The following ACOT11 variants were observed in gnomAD, a reference collection of about 807,000 sequenced individuals.
The protein encoded by ACOT11 is acyl-CoA thioesterase 11.
A neutral mutation model predicts 77.5 loss-of-function variants in ACOT11; 69 were observed. That is an observed-to-expected ratio of 0.89 (90% CI 0.73 to 1.09). ACOT11 has a LOEUF of 1.09. ACOT11 is among the 50% of genes least tolerant of loss of function. The probability of loss-of-function intolerance (pLI) is 0.00; values close to 1 mark genes in which losing one functional copy is unlikely to be tolerated. For synonymous variants in ACOT11, 279 were observed against 313.0 expected (o/e 0.89, Z 1.15); for missense variants, 766 against 813.7 (o/e 0.94, Z 0.71).
At chr1:54,561,708 C>A (rs1382166870) in intron 1 of ACOT11, among the ~76,000 whole-genome samples, 1 of 127,850 alleles carries the variant, frequency 7.8e-6, no homozygotes, top group East Asian at 2.3e-4. Context: ...ACCTCCCGGA[C>A]GGGGCGGCTG....
chr1:54,610,239 T>C lies in ACOT11; in HGVS notation c.*1127T>C, dbSNP rs552089179. 106 of 1,446,182 alleles carry C rather than the reference T, an allele frequency of 7.3e-5. No homozygotes were observed. The African/African-American group carries it at 1.0e-3, about 14-fold the overall frequency. The allele number at this position is 1,446,182 out of a possible 1,614,324, so 89.6% of individuals were successfully genotyped here. A position where few individuals can be genotyped will look rare whatever the true frequency, so the allele number is the denominator to read the frequency against. ...TCTGAAGGCCAGGAGCCCTGTGCTCTTGACATCACTGTACTCCCTCTCCCT... is the reference window on the plus strand; with the variant it reads ...TCTGAAGGCCAGGAGCCCTGTGCTCCTGACATCACTGTACTCCCTCTCCCT... On this transcript the variant is annotated 3_prime_UTR_variant, in exon 16 of 16. Coordinates refer to ENST00000343744, the MANE Select transcript of ACOT11 (RefSeq NM_147161.4).
downstream of ACOT11, chr1:54,611,493 C>G (rs1266701290): frequency 3.7e-6 from 4 of 1,088,816 alleles, no homozygotes; most frequent in East Asian, 9.8e-5. Flanking sequence ...TCCTGTCCCA[C>G]CCCGGCCTTC....
intron 16 of ACOT11, among the ~76,000 whole-genome samples, chr1:54,632,354 G>T (rs576021243): frequency 5.1e-4 from 77 of 152,324 alleles, no homozygotes; most frequent in African/African-American, 1.7e-3. Context: ...TGAGCCTTCT[G>T]CCTGCGGAAC....
rs529466824 is a variant in ACOT11 at position 54,616,183 on chromosome 1, G to A, written c.1629+8115G>A. The A allele has an allele frequency of 9.4e-6, 15 of 1,603,744 alleles. No individual in the cohort carries two copies. The African/African-American group carries it at 1.9e-4, about 20-fold the overall frequency. ...GGACTGTGATGTTGCCTGTGGAAGG[G>A]GCAACAACTCAGTGAGTTCCTTTTT... On this transcript the variant is annotated intron_variant, in intron 15 of 16. Transcript: ENST00000371316.
At chr1:54,620,312 C>T (rs1299353206) in intron 15 of ACOT11, among the ~76,000 whole-genome samples, 1 of 152,218 alleles carries the variant, frequency 6.6e-6, no homozygotes, top group Non-Finnish European at 1.5e-5. Context: ...ATAGGTTATT[C>T]CAGACAGAGA....
chr1:54,607,075 C>A lies in ACOT11; in HGVS notation c.1371-59C>A, dbSNP rs575369406. ...CAGTGTGGCAGGGCCCGGGCAGACC[C>A]GCTGCTTGCATGGGAGCTGGAAGCT... is the stretch of plus-strand genomic sequence containing the variant. On this transcript the variant is annotated intron_variant, in intron 13 of 15. Transcript: ENST00000343744. The surrounding 1 kb of genome is among the most constrained non-coding windows in gnomAD (Gnocchi z 4.5). 2 of 1,607,172 alleles carry A rather than the reference C, an allele frequency of 1.2e-6. No individual in the cohort carries two copies. The highest frequency in any genetic ancestry group is 1.7e-6 in the Non-Finnish European group (2 of 1,176,684).
downstream of ACOT11, among the ~76,000 whole-genome samples, chr1:54,614,011 A>T (rs1196597719): frequency 6.6e-6 from 1 of 152,234 alleles, no homozygotes; most frequent in Non-Finnish European, 1.5e-5. Context: ...CATAAGAGTT[A>T]AACGGTGTTC....
Position 54,584,996 on chromosome 1 carries a change from T to G in ACOT11, c.241+134T>G. 9.9e-7 allele frequency: 1 copy of G among 1,007,110 alleles called. No individual in the cohort carries two copies. The highest frequency in any genetic ancestry group is 1.4e-6 in the Non-Finnish European group (1 of 696,378). 62.4% of individuals were successfully genotyped at this position (1,007,110 alleles called of 1,614,324 possible). On this transcript the variant is annotated intron_variant, in intron 2 of 15. Coordinates refer to ENST00000343744, the MANE Select transcript of ACOT11 (RefSeq NM_147161.4). The surrounding 1 kb of genome is among the most constrained non-coding windows in gnomAD (Gnocchi z 6.3). ...CTTGGCCTTTGCTCATGCTGGTCCC[T>G]TTGTCTGAAATGCCCTTCCTGATGT...
downstream of ACOT11, chr1:54,611,867 A>ACCTGCCACTTCTCCCTGAGT: frequency 9.0e-7 from 1 of 1,116,000 alleles, no homozygotes; most frequent in East Asian, 2.6e-5. Context: ...CCAGTCGCCC[A>ACCTGCCACTTCTCCCTGAGT]CCTGCCACTT....
downstream of ACOT11, chr1:54,610,363 C>T (rs1320591301): frequency 3.8e-6 from 6 of 1,595,260 alleles, no homozygotes; most frequent in African/African-American, 5.4e-5. Context: ...AAGCAAAGGA[C>T]ACCCCTGCAG....
intron 1 of ACOT11, 120 bp downstream of exon 1, chr1:54,548,462 T>A (rs1273701310): frequency 2.4e-6 from 3 of 1,273,850 alleles, no homozygotes; most frequent in African/African-American, 3.0e-5. Flanking sequence ...CGGGCCATTT[T>A]CTAGCTCTCT....
Position 54,592,587 on chromosome 1 carries a change from C to T in ACOT11, c.353C>T (p.Ala118Val), listed in dbSNP as rs1439851434. Residue 118 changes from alanine (A) to valine (V), a missense_variant, in exon 4 of 16, where the codon GCC becomes GTC. Transcript: ENST00000343744. ...VVNIKAKVNR[A>V]FNSSMEVGIQ... ...AATATCAAGGCCAAGGTGAACCGGG[C>T]CTTCAACTCCAGCATGGAGGTGTGT... 1 of 1,613,452 alleles carries T rather than the reference C, an allele frequency of 6.2e-7. No individual in the cohort carries two copies. Among genetic ancestry groups the T allele is most frequent in the Admixed American group, 1.7e-5 (1 of 59,924 alleles).
chr1:54,621,903 T>G (rs1644233035), intron 15 of ACOT11: 1 of 152,130 alleles, frequency 6.6e-6, no homozygotes, highest in African/African-American at 2.4e-5. Context: ...CTTGTGTGAC[T>G]CCCAAGAAGG....
intron 1 of ACOT11, among the ~76,000 whole-genome samples, chr1:54,560,478 C>T (rs1653429821): frequency 6.6e-6 from 1 of 152,168 alleles, no homozygotes; most frequent in South Asian, 2.1e-4. Context: ...AATTTGTCCT[C>T]AGCAAATGAT....
chr1:54,607,871 GTT>G lies in ACOT11; in HGVS notation c.1503-70_1503-69del. ...TAGAGGGGGCAGGGTCTCGGCCTTG[GTT>G]GGGCAGAACAGGCCCCCACTTTCTT... On this transcript the variant is annotated intron_variant, in intron 14 of 15. Coordinates refer to ENST00000343744, the MANE Select transcript of ACOT11 (RefSeq NM_147161.4). This position sits in a 1 kb window ranked among gnomAD's most constrained non-coding sequence, Gnocchi z 4.5. 1 of 1,592,876 alleles carries G rather than the reference GTT, an allele frequency of 6.3e-7. No individual in the cohort carries two copies. Among genetic ancestry groups the G allele is most frequent in the African/African-American group, 1.3e-5 (1 of 74,270 alleles).
intron 15 of ACOT11, among the ~76,000 whole-genome samples, chr1:54,618,218 C>T (rs1438165811): frequency 8.5e-5 from 13 of 152,150 alleles, no homozygotes; most frequent in Non-Finnish European, 1.8e-4. Flanking sequence ...AAAATCACCT[C>T]CTCAGCCGGG....
downstream of ACOT11, chr1:54,611,530 C>T: frequency 6.6e-7 from 1 of 1,510,812 alleles, no homozygotes; most frequent in Non-Finnish European, 9.1e-7. Context: ...TTCCACCCAG[C>T]TCTGCTCCAG....
intron 16 of ACOT11, among the ~76,000 whole-genome samples, chr1:54,633,594 A>G (rs1173516906): frequency 6.6e-6 from 1 of 152,258 alleles, no homozygotes; most frequent in Admixed American, 6.5e-5. Flanking sequence ...GTGTTGCCAC[A>G]GTGCATGCCA....
intron 11 of ACOT11, 145 bp downstream of exon 11, chr1:54,604,082 G>A: frequency 6.2e-6 from 5 of 804,994 alleles, no homozygotes; most frequent in Non-Finnish European, 1.0e-5. Flanking sequence ...GCAAAGAGCT[G>A]GCCTGCGTCC....
Sources: gnomAD v4.1 joint callset for allele counts (sites outside exome capture counted in the v4.1 genomes callset) on GRCh38, gnomAD v4.1.1 for gene constraint, Gnocchi (gnomAD v3.1) non-coding constraint, MANE v1.5 for transcripts, NCBI Gene and HGNC (gene_info 2026-07-23, HGNC 2026-07-21) for gene names.